Variants in SEZ6 observed in about 807,000 individuals in gnomAD.
SEZ6 encodes the protein seizure protein 6 homolog.
Under a neutral mutation model 101.0 loss-of-function variants are expected in SEZ6, and 53 were observed. The ratio of observed to expected loss-of-function variants is 0.52; its 90% confidence interval spans 0.42 to 0.66. SEZ6 has a LOEUF of 0.66. SEZ6 is among the 30% of genes least tolerant of loss of function. SEZ6 has a pLI of 0.00. For synonymous variants in SEZ6, 488 were observed against 512.2 expected, an observed-to-expected ratio of 0.95 and a Z score of 0.64; for missense variants, 1,102 against 1,289.4, an observed-to-expected ratio of 0.85 and a Z score of 2.23.
At chr17:29,002,705 G>A (rs778965611) in intron 1 of SEZ6, among the ~76,000 whole-genome samples, 5 of 152,336 alleles carry the variant, frequency 3.3e-5, no homozygotes, top group Admixed American at 1.3e-4. Flanking sequence ...ACAGGACCTA[G>A]TATTGGTTTC....
rs112471706 is a variant in SEZ6, at chr17:28,980,734, T to C, written c.724+637A>G. 3.0e-3 allele frequency among the ~76,000 whole-genome samples: 459 copies of C among 151,822 alleles called. 2 individuals carry two copies. Among genetic ancestry groups the C allele is most frequent in the African/African-American group, 0.01 (428 of 41,380 alleles). ...GGCCAGACTAATCTTGAACTTCTGA[T>C]GTCAGGTGATCCACCTGCCTCGGCC... On this transcript the variant is annotated intron_variant, in intron 2 of 16. Coordinates refer to ENST00000317338, the MANE Select transcript of SEZ6 (RefSeq NM_178860.5).
intron 1 of SEZ6, among the ~76,000 whole-genome samples, chr17:29,003,276 G>A (rs890924580): frequency 3.3e-5 from 5 of 152,234 alleles, no homozygotes; most frequent in African/African-American, 1.2e-4. Context: ...CACACAGCTT[G>A]GGAAGATACC....
rs965183875 is a variant in SEZ6 at position 28,956,777 on chromosome 17, C to T, written c.2693-20G>A. ...GAGAGGCTGGAACAAAAGGGGAGGG[C>T]CAAGGGCAGTGAGTGAGCCCAATGG... On this transcript the variant is annotated intron_variant, in intron 13 of 16. Coordinates refer to ENST00000317338, the MANE Select transcript of SEZ6 (RefSeq NM_178860.5). 6.4e-7 allele frequency: 1 copy of T among 1,559,710 alleles called. No homozygotes were observed. The highest frequency in any genetic ancestry group is 8.7e-7 in the Non-Finnish European group (1 of 1,151,724).
intron 4 of SEZ6, among the ~76,000 whole-genome samples, chr17:28,969,471 T>C (rs992207794): frequency 6.6e-6 from 1 of 152,026 alleles, no homozygotes; most frequent in African/African-American, 2.4e-5. Flanking sequence ...TAGGAAAAGT[T>C]TGCTGAATGA....
intron 1 of SEZ6, among the ~76,000 whole-genome samples, chr17:28,999,540 G>A (rs2041587323): frequency 6.6e-6 from 1 of 152,138 alleles, no homozygotes; most frequent in South Asian, 2.1e-4. Context: ...TGGAGAAGCC[G>A]CAGGTTTGTT....
In SEZ6 at chr17:28,982,046, T is replaced by C; in HGVS notation, c.56-7A>G. On this transcript the variant is annotated splice_region_variant and splice_polypyrimidine_tract_variant and intron_variant, in intron 1 of 16. Transcript: ENST00000317338. ...GGGGCCTCTAAAGAGAGTCCTGAAA[T>C]AATAAGGGATGGTCAGAGGTTCTCC... 6.4e-7 allele frequency: 1 copy of C among 1,571,298 alleles called. No individual in the cohort carries two copies. Among genetic ancestry groups the C allele is most frequent in the South Asian group, 1.2e-5 (1 of 86,672 alleles).
intron 1 of SEZ6, among the ~76,000 whole-genome samples, chr17:28,983,125 A>G (rs949719056): frequency 1.3e-5 from 2 of 152,206 alleles, no homozygotes; most frequent in Non-Finnish European, 2.9e-5. Flanking sequence ...ATAACTTCAA[A>G]TCCCAGATCC....
chr17:28,973,436 T>A (rs2041180649), intron 3 of SEZ6, among the ~76,000 whole-genome samples: 1 of 152,224 alleles, frequency 6.6e-6, no homozygotes, highest in South Asian at 2.1e-4. Context: ...CCTAGCAGTC[T>A]GTAAAGCTGG....
chr17:28,960,621 G>T lies in SEZ6; in HGVS notation c.1460C>A (p.Ser487Tyr). ...DNVEAPPVYD[S>Y]YEVEYLPIEG... is the part of the protein sequence containing the mutation. ...AATGGGCAGGTATTCCACCTCATAGGAATCATACACTGGTGGGGCCTCCAC... is the reference window on the plus strand; with the variant it reads ...AATGGGCAGGTATTCCACCTCATAGTAATCATACACTGGTGGGGCCTCCAC... The change falls in exon 7 of 17, where the codon TCC (serine) becomes TAC (tyrosine). Residue 487 changes from serine to tyrosine, a missense_variant. This residue lies in a region of SEZ6 where 556 missense variants were observed against 735.1 expected (regional missense o/e 0.76). Transcript: ENST00000317338. 1 of 1,593,466 alleles carries T rather than the reference G, an allele frequency of 6.3e-7. No homozygotes were observed. Among genetic ancestry groups the T allele is most frequent in the South Asian group, 1.1e-5 (1 of 88,118 alleles).
intron 1 of SEZ6, among the ~76,000 whole-genome samples, chr17:28,995,502 G>C (rs1219488725): frequency 6.6e-6 from 1 of 152,198 alleles, no homozygotes; most frequent in Non-Finnish European, 1.5e-5. Context: ...CCATCCCGCA[G>C]GTGGAGAAAC....
intron 16 of SEZ6, 68 bp downstream of exon 16, chr17:28,956,091 G>A (rs2040873431): frequency 1.3e-6 from 2 of 1,592,418 alleles, no homozygotes; most frequent in Admixed American, 1.7e-5. Flanking sequence ...GGACCCTCAG[G>A]GTTATCTGCC....
At position 28,957,551 on chromosome 17, in the gene SEZ6, G is replaced by C; in HGVS notation, c.2303-12C>G. The C allele has an allele frequency of 6.2e-7, 1 of 1,609,000 alleles. No homozygotes were observed. The highest frequency in any genetic ancestry group is 8.5e-7 in the Non-Finnish European group (1 of 1,177,238). ...GTGGCAGGAAGTCACTATGGGTAGG[G>C]GGTGATGGGGAGAAGTAGCCCAAGG... On this transcript the variant is annotated splice_polypyrimidine_tract_variant and intron_variant, in intron 11 of 16. Coordinates refer to ENST00000317338, the MANE Select transcript of SEZ6 (RefSeq NM_178860.5).
At chr17:28,961,728 C>T (rs779050485) in intron 5 of SEZ6, among the ~76,000 whole-genome samples, 2 of 152,098 alleles carry the variant, frequency 1.3e-5, no homozygotes, top group Non-Finnish European at 2.9e-5. Context: ...AAACTCCTGG[C>T]GGTTATGTGA....
At chr17:28,991,543 C>T (rs1289596749) in intron 1 of SEZ6, among the ~76,000 whole-genome samples, 1 of 152,120 alleles carries the variant, frequency 6.6e-6, no homozygotes, top group African/African-American at 2.4e-5. Context: ...TCAGTGGCTA[C>T]CATAATGGAA....
chr17:29,002,209 T>C (rs71368117), intron 1 of SEZ6, among the ~76,000 whole-genome samples: 8,402 of 151,824 alleles, frequency 0.055, 338 homozygotes, highest in Non-Finnish European at 0.09. Flanking sequence ...TGGGGCTTAA[T>C]TGGGCTAGGA....
intron 1 of SEZ6, among the ~76,000 whole-genome samples, chr17:29,001,704 C>T (rs749424523): frequency 2.2e-4 from 33 of 152,170 alleles, no homozygotes; most frequent in Admixed American, 5.9e-4. Context: ...CTGGGTGGGT[C>T]GGCTTCCTGG....
intron 5 of SEZ6, among the ~76,000 whole-genome samples, chr17:28,962,888 G>C (rs2041004809): frequency 6.6e-6 from 1 of 151,970 alleles, no homozygotes; most frequent in Non-Finnish European, 1.5e-5. Context: ...ACTTTGGGAG[G>C]CTGAGGTGGG....
At position 29,005,311 on chromosome 17, in the gene SEZ6, G is replaced by C. The variant is rs1318531916; in HGVS notation, c.55+504C>G. Among the ~76,000 whole-genome samples the C allele has an allele frequency of 5.9e-5, 9 of 152,130 alleles. No individual in the cohort carries two copies. Among genetic ancestry groups the C allele is most frequent in the Non-Finnish European group, 1.3e-4 (9 of 68,022 alleles). ...TGAGCGAGGTCCCAACCCCGGGTCC[G>C]GCCGCCATCCGGCCCCGTCTCCCCT... is the stretch of plus-strand genomic sequence containing the variant. On this transcript the variant is annotated intron_variant, in intron 1 of 16. Coordinates refer to ENST00000317338, the MANE Select transcript of SEZ6 (RefSeq NM_178860.5). The surrounding 1 kb of genome is among the most constrained non-coding windows in gnomAD (Gnocchi z 4.8).
intron 1 of SEZ6, among the ~76,000 whole-genome samples, chr17:28,984,318 C>A (rs2041348435): frequency 6.6e-6 from 1 of 152,230 alleles, no homozygotes; most frequent in South Asian, 2.1e-4. Context: ...CTGATTCTAG[C>A]ATGGCGCAAG....
Sources: allele counts gnomAD v4.1 joint callset (sites outside exome capture counted in the v4.1 genomes callset), GRCh38; gene constraint gnomAD v4.1.1; regional missense constraint gnomAD v4.1.1; non-coding constraint Gnocchi (gnomAD v3.1); transcripts MANE v1.5; gene names NCBI Gene and HGNC (gene_info 2026-07-23, HGNC 2026-07-21).